Variants in TENM2 observed in about 807,000 individuals in gnomAD.
TENM2 encodes the protein teneurin-2.
Under a neutral mutation model 245.2 loss-of-function variants are expected in TENM2, and 52 were observed. The ratio of observed to expected loss-of-function variants is 0.21; its 90% CI spans 0.17 to 0.27. TENM2 has a LOEUF of 0.27. Among genes scored for constraint, TENM2 ranks in the 10% least tolerant of loss-of-function variants. TENM2 has a pLI of 1.00. For synonymous variants in TENM2, 1,363 were observed against 1,438.9 expected (o/e 0.95, Z 1.19); for missense variants, 3,046 against 3,666.8 (o/e 0.83, Z 4.37).
At chr5:167,689,835 C>G (rs574354150) in intron 2 of TENM2, among the ~76,000 whole-genome samples, 3 of 152,150 alleles carry the variant, frequency 2.0e-5, no homozygotes, top group South Asian at 2.1e-4. Flanking sequence ...AATTTTGGCT[C>G]CTACAATCTC....
chr5:168,079,092 C>A (rs1364216398), intron 7 of TENM2, among the ~76,000 whole-genome samples: 3 of 152,032 alleles, frequency 2.0e-5, no homozygotes, highest in Non-Finnish European at 4.4e-5. Flanking sequence ...TGTTTGTGTC[C>A]TCTTTTATTT....
chr5:168,222,447 A>G (rs1185755616), intron 23 of TENM2, among the ~76,000 whole-genome samples: 1 of 152,216 alleles, frequency 6.6e-6, no homozygotes, highest in Non-Finnish European at 1.5e-5. Context: ...AGATCAAAGG[A>G]AAAGATGGAA....
intron 2 of TENM2, among the ~76,000 whole-genome samples, chr5:167,426,653 C>T (rs1287274737): frequency 6.6e-6 from 1 of 151,522 alleles, no homozygotes; most frequent in African/African-American, 2.4e-5. Flanking sequence ...TTTTGTAGTT[C>T]ACTAATTTGG....
chr5:168,213,399 A>G (rs1273229734), intron 20 of TENM2, among the ~76,000 whole-genome samples: 8 of 152,108 alleles, frequency 5.3e-5, no homozygotes, highest in African/African-American at 1.9e-4. Context: ...AAGACCCCAA[A>G]TGGTGGTGTT....
chr5:167,327,056 G>C (rs1757131457), intron 1 of TENM2, among the ~76,000 whole-genome samples: 1 of 151,978 alleles, frequency 6.6e-6, no homozygotes, highest in African/African-American at 2.4e-5. Context: ...TTAAGTTTTA[G>C]GGTGCATGTG....
the TENM2 span, among the ~76,000 whole-genome samples, chr5:167,174,097 C>T: frequency 1.3e-5 from 2 of 150,998 alleles, no homozygotes; most frequent in Non-Finnish European, 2.9e-5. Flanking sequence ...GTGATGTGAA[C>T]TGAGTTTTCT....
chr5:167,524,396 T>C (rs893851818), intron 2 of TENM2, among the ~76,000 whole-genome samples: 7 of 152,156 alleles, frequency 4.6e-5, no homozygotes, highest in African/African-American at 1.7e-4. Context: ...AGTGAACACC[T>C]AATAAGCATT....
chr5:167,997,116 A>C (rs1784107668), intron 5 of TENM2, among the ~76,000 whole-genome samples: 1 of 152,184 alleles, frequency 6.6e-6, no homozygotes, highest in South Asian at 2.1e-4. Context: ...CAGAAAATAA[A>C]ATCTGCATAT....
chr5:167,229,024 A>T, the TENM2 span, among the ~76,000 whole-genome samples: 1 of 152,112 alleles, frequency 6.6e-6, no homozygotes, highest in East Asian at 1.9e-4. Flanking sequence ...TTGATTCCAT[A>T]AGGGAGTTTC....
At chr5:167,280,284 G>A (rs1770969557), upstream of TENM2, among the ~76,000 whole-genome samples, 1 of 152,180 alleles carries the variant, frequency 6.6e-6, no homozygotes. Flanking sequence ...ACCGCAGGGG[G>A]CAAGAGGACT....
At chr5:167,488,125 G>C (rs1245292003) in intron 2 of TENM2, among the ~76,000 whole-genome samples, 1 of 152,068 alleles carries the variant, frequency 6.6e-6, no homozygotes, top group Non-Finnish European at 1.5e-5. Flanking sequence ...GAATTCTACT[G>C]TTTCTCTCCT....
chr5:167,568,331 G>T (rs1380795807), intron 2 of TENM2, among the ~76,000 whole-genome samples: 45 of 152,114 alleles, frequency 3.0e-4, no homozygotes, highest in Admixed American at 2.9e-3. Context: ...TACAAAATGT[G>T]TTTGGAGGTG....
intron 2 of TENM2, among the ~76,000 whole-genome samples, chr5:167,828,516 C>T (rs569321394): frequency 6.6e-6 from 1 of 152,078 alleles, no homozygotes. Flanking sequence ...CGTCCTCAGC[C>T]CTGTTGAAGT....
intron 2 of TENM2, chr5:167,755,067 C>T (rs368500694): frequency 6.3e-7 from 1 of 1,598,258 alleles, no homozygotes; most frequent in African/African-American, 1.3e-5. Flanking sequence ...GTGAGCCCAC[C>T]TCTCCTGATC....
At chr5:168,044,304 A>C in intron 5 of TENM2, among the ~76,000 whole-genome samples, 1 of 152,074 alleles carries the variant, frequency 6.6e-6, no homozygotes, top group African/African-American at 2.4e-5. Context: ...AGTCCCAGAT[A>C]CTCGGGAGGG....
the TENM2 span, among the ~76,000 whole-genome samples, chr5:167,098,614 G>GTGA: frequency 2.6e-5 from 4 of 152,128 alleles, no homozygotes; most frequent in Non-Finnish European, 4.4e-5. Flanking sequence ...TAGAACCCAA[G>GTGA]TGAGACTTTA....
At position 167,515,206 on chromosome 5, in the gene TENM2, A is replaced by G. The variant is rs529736142; in HGVS notation, c.502+139733A>G. Among the ~76,000 whole-genome samples, 3 of 152,286 alleles carry G rather than the reference A, an allele frequency of 2.0e-5. No individual in the cohort carries two copies. In the South Asian group the frequency reaches 6.2e-4, roughly 32 times the overall value. ...AAATTCGCTTTGCCAATGACATTTA[A>G]GCATGAAACTTAACAACCATATAGG... On this transcript the variant is annotated intron_variant, in intron 2 of 28. Coordinates refer to ENST00000518659, the Ensembl canonical transcript of TENM2.
the TENM2 span, among the ~76,000 whole-genome samples, chr5:167,039,005 A>AG: frequency 6.6e-6 from 1 of 152,168 alleles, no homozygotes; most frequent in Non-Finnish European, 1.5e-5. Flanking sequence ...TATAGGGGCA[A>AG]GGGGCATATT....
intron 23 of TENM2, among the ~76,000 whole-genome samples, chr5:168,223,440 A>T (rs1347676423): frequency 6.6e-6 from 1 of 151,986 alleles, no homozygotes; most frequent in Admixed American, 6.6e-5. Context: ...TCTGTTTATT[A>T]AACATGAAAG....
Sources: allele counts gnomAD v4.1 joint callset (sites outside exome capture counted in the v4.1 genomes callset), GRCh38; gene constraint gnomAD v4.1.1; transcripts MANE v1.5; gene names NCBI Gene and HGNC (gene_info 2026-07-23, HGNC 2026-07-21).